Variants in STK33 observed in about 807,000 individuals in gnomAD.
The protein encoded by STK33 is serine/threonine-protein kinase 33.
In STK33, 52 loss-of-function variants were observed where a neutral mutation model predicts 58.0. The ratio of observed to expected loss-of-function variants is 0.90; its 90% confidence interval spans 0.72 to 1.13. STK33 has a LOEUF of 1.13. Among genes scored for constraint, STK33 ranks in the 50% most tolerant of loss-of-function variants. The probability of loss-of-function intolerance (pLI) is 0.00; values close to 1 mark genes in which losing one functional copy is unlikely to be tolerated. For missense variants in STK33, 630 were observed against 604.2 expected (o/e 1.04, Z -0.45); for synonymous variants, 215 against 200.1 (o/e 1.07, Z -0.63).
intron 1 of STK33, among the ~76,000 whole-genome samples, chr11:8,524,809 C>G (rs1199800393): frequency 6.6e-6 from 1 of 151,348 alleles, no homozygotes; most frequent in Non-Finnish European, 1.5e-5. Flanking sequence ...AAAAATTTGC[C>G]AATATGGTAG....
At chr11:8,507,286 A>G (rs1951933778) in intron 1 of STK33, among the ~76,000 whole-genome samples, 1 of 152,172 alleles carries the variant, frequency 6.6e-6, no homozygotes, top group South Asian at 2.1e-4. Context: ...GCCTAGGTTC[A>G]AATTCTGGCC....
At chr11:8,508,226 C>T (rs1952019044) in intron 1 of STK33, among the ~76,000 whole-genome samples, 1 of 149,638 alleles carries the variant, frequency 6.7e-6, no homozygotes, top group Admixed American at 6.7e-5. Flanking sequence ...CCAACACACA[C>T]ATACATGTAT....
chr11:8,406,706 C>T (rs1000892931), intron 15 of STK33, among the ~76,000 whole-genome samples: 4 of 152,106 alleles, frequency 2.6e-5, no homozygotes, highest in Non-Finnish European at 5.9e-5. Context: ...ATAGATCTTG[C>T]ATCCAGCAAC....
At chr11:8,593,568 G>C (rs1264082850) in intron 1 of STK33, among the ~76,000 whole-genome samples, 2 of 152,104 alleles carry the variant, frequency 1.3e-5, no homozygotes, top group Non-Finnish European at 2.9e-5. Context: ...AGCCAGTACG[G>C]GGCTGCTTTA....
At chr11:8,354,472 C>CCACACACACACACACACACACACA in the STK33 span, among the ~76,000 whole-genome samples, 20 of 56,060 alleles carry the variant, frequency 3.6e-4, no homozygotes, top group African/African-American at 9.9e-4. Flanking sequence ...GTCTGCAAAA[C>CCACACACACACACACACACACACA]CTCACACACA....
chr11:8,424,007 C>T (rs979180795), intron 14 of STK33, among the ~76,000 whole-genome samples: 2 of 151,684 alleles, frequency 1.3e-5, no homozygotes, highest in Admixed American at 6.6e-5. Context: ...TTTTATTATA[C>T]TTTAAGTTTT....
chr11:8,559,986 T>C (rs780493751), intron 1 of STK33, among the ~76,000 whole-genome samples: 1 of 152,184 alleles, frequency 6.6e-6, no homozygotes, highest in Admixed American at 6.5e-5. Flanking sequence ...TTTGTTTTAA[T>C]GGCTATATAA....
chr11:8,387,866 G>A (rs1848566123), downstream of STK33, among the ~76,000 whole-genome samples: 4 of 151,500 alleles, frequency 2.6e-5, no homozygotes, highest in Admixed American at 2.6e-4. Context: ...CCTGGGGATG[G>A]AGACAACTTT....
intron 11 of STK33, among the ~76,000 whole-genome samples, chr11:8,448,639 G>C (rs1945840929): frequency 6.6e-6 from 1 of 151,946 alleles, no homozygotes; most frequent in Non-Finnish European, 1.5e-5. Flanking sequence ...AATTCAAGAT[G>C]GATTAAAGAC....
chr11:8,484,970 C>T (rs1463933513), intron 1 of STK33, among the ~76,000 whole-genome samples: 1 of 152,052 alleles, frequency 6.6e-6, no homozygotes, highest in Non-Finnish European at 1.5e-5. Flanking sequence ...TCTTTTGGAG[C>T]CAAGGGATTT....
intron 1 of STK33, among the ~76,000 whole-genome samples, chr11:8,591,550 A>G (rs1267480490): frequency 6.6e-6 from 1 of 152,206 alleles, no homozygotes; most frequent in Admixed American, 6.5e-5. Context: ...CACTATAACA[A>G]GAGTTCACAT....
rs535801341 is a variant in STK33, at chr11:8,454,367, G to A, written c.786+377C>T. The stretch of plus-strand genomic sequence containing the variant: ...AGGAAAATTTTCAATAAGAAATACA[G>A]ACTTTAGAATTAATTTAGTATCAAA... On this transcript the variant is annotated intron_variant, in intron 10 of 15. Transcript: ENST00000687296. Among the ~76,000 whole-genome samples, 19 of 152,178 alleles carry A rather than the reference G, an allele frequency of 1.2e-4. No individual in the cohort carries two copies. In the South Asian group the frequency reaches 3.9e-3, roughly 32 times the overall value.
At chr11:8,344,011 C>T in the STK33 span, among the ~76,000 whole-genome samples, 7 of 152,262 alleles carry the variant, frequency 4.6e-5, no homozygotes, top group East Asian at 9.6e-4. Context: ...TCCAGCAGTC[C>T]GCTCTGGTCC....
intron 8 of STK33, among the ~76,000 whole-genome samples, chr11:8,460,093 T>C (rs1947335471): frequency 6.6e-6 from 1 of 152,192 alleles, no homozygotes; most frequent in Non-Finnish European, 1.5e-5. Context: ...ACTTTCCAAG[T>C]GACTTACCTA....
At chr11:8,421,219 C>A (rs1183269107) in intron 14 of STK33, among the ~76,000 whole-genome samples, 2 of 152,072 alleles carry the variant, frequency 1.3e-5, no homozygotes, top group Non-Finnish European at 2.9e-5. Context: ...CCTACACACC[C>A]CAAGATGCAG....
intron 7 of STK33, among the ~76,000 whole-genome samples, chr11:8,464,384 T>C (rs1947918279): frequency 6.6e-6 from 1 of 152,322 alleles, no homozygotes; most frequent in South Asian, 2.1e-4. Flanking sequence ...CTAGCTAAGA[T>C]ATCTCTAGCC....
At chr11:8,405,234 C>T (rs1938899510) in intron 15 of STK33, among the ~76,000 whole-genome samples, 1 of 152,210 alleles carries the variant, frequency 6.6e-6, no homozygotes, top group Non-Finnish European at 1.5e-5. Flanking sequence ...GTTTCATATC[C>T]TTGCCAATAT....
the STK33 span, among the ~76,000 whole-genome samples, chr11:8,379,778 C>G: frequency 6.6e-6 from 1 of 152,158 alleles, no homozygotes; most frequent in African/African-American, 2.4e-5. Flanking sequence ...CCTCCACCCA[C>G]CCTTCACCCT....
intron 14 of STK33, among the ~76,000 whole-genome samples, chr11:8,430,580 G>A (rs1474921101): frequency 6.6e-6 from 1 of 152,142 alleles, no homozygotes; most frequent in Non-Finnish European, 1.5e-5. Flanking sequence ...GGTTGGATAA[G>A]CTTGCTTAAA....
Sources: allele counts gnomAD v4.1 joint callset (sites outside exome capture counted in the v4.1 genomes callset), GRCh38; gene constraint gnomAD v4.1.1; transcripts MANE v1.5; gene names NCBI Gene and HGNC (gene_info 2026-07-23, HGNC 2026-07-21).